ID3: variants seen among roughly 807,000 people sequenced by gnomAD.
The protein encoded by ID3 is inhibitor of DNA binding 3, also known as DNA-binding protein inhibitor ID-3.
In ID3, 4 loss-of-function variants were observed where a neutral mutation model predicts 9.6. That is an observed-to-expected ratio of 0.42 (90% CI 0.21 to 0.96). The LOEUF is 0.96. Among genes scored for constraint, ID3 ranks in the 40% least tolerant of loss-of-function variants. The probability of loss-of-function intolerance (pLI) is 0.30; values close to 1 mark genes in which losing one functional copy is unlikely to be tolerated. For synonymous variants in ID3, 108 were observed against 75.2 expected (o/e 1.44, Z -2.26); for missense variants, 191 against 164.5 (o/e 1.16, Z -0.88).
At chr1:23,558,796 T>C in intron 2 of ID3, 139 bp downstream of exon 2, 1 of 624,642 alleles carries the variant, frequency 1.6e-6, no homozygotes, top group Non-Finnish European at 2.9e-6. Context: ...TGCCATTCAT[T>C]TGATGCAACC....
intron 2 of ID3, chr1:23,558,694 C>G (rs1029189383): frequency 3.1e-5 from 16 of 522,630 alleles, no homozygotes; most frequent in Non-Finnish European, 5.2e-5. Flanking sequence ...TTAGTCGGAC[C>G]CATGTCTACT....
intron 2 of ID3, chr1:23,558,675 G>A (rs376271188): frequency 6.1e-5 from 29 of 473,302 alleles, no homozygotes; most frequent in East Asian, 3.8e-4. Context: ...GGAACAGAAA[G>A]ACTTGTATTT....
At position 23,559,019 on chromosome 1, in the gene ID3, T is replaced by C. The variant is rs1426160296; in HGVS notation, c.301A>G (p.Thr101Ala). 13 of 1,614,118 alleles carry C rather than the reference T, an allele frequency of 8.1e-6. No individual in the cohort carries two copies. The highest frequency in any genetic ancestry group is 1.1e-5 in the Non-Finnish European group (13 of 1,179,978). The part of the protein sequence containing the change: ...PPDGPHLPIQ[T>A]AELTPELVIS... ...ACAAGTTCCGGAGTGAGCTCGGCTG[T>C]CTGATTAGAGGAAAAGAGGGAAGAG... is the stretch of plus-strand genomic sequence containing the variant. Residue 101 changes from threonine (T) to alanine (A), a missense_variant and splice_region_variant, in exon 2 of 3, where the codon ACA becomes GCA. Thr to Ala is a moderately conservative substitution (Grantham distance 58). Coordinates refer to ENST00000374561, the MANE Select transcript of ID3 (RefSeq NM_002167.5).
At chr1:23,558,807 A>G (rs772587220) in intron 2 of ID3, 128 bp downstream of exon 2, 1 of 645,348 alleles carries the variant, frequency 1.5e-6, no homozygotes, top group Non-Finnish European at 2.8e-6. Context: ...TGATGCAACC[A>G]TGGGCAAGTC....
In ID3 at chr1:23,559,418, C is replaced by T. The variant is rs375749860; in HGVS notation, c.9G>A (p.Ala3=). 5.4e-5 allele frequency: 87 copies of T among 1,611,828 alleles called. No individual in the cohort carries two copies. The highest frequency in any genetic ancestry group is 1.6e-4 in the Middle Eastern group (1 of 6,072). Reference sequence around the variant, plus strand: ...CGTAGCAGCCGCGCACCGGGCTCAGCGCCTTCATGCTGGGGAGTGAGTCCA... The same window carrying T: ...CGTAGCAGCCGCGCACCGGGCTCAGTGCCTTCATGCTGGGGAGTGAGTCCA... MK[A]LSPVRGCYEA... Residue 3 remains alanine (A), a synonymous_variant, in exon 1 of 3, where the codon GCG becomes GCA. Transcript: ENST00000374561.
In ID3 at chr1:23,559,457, G is replaced by C; in HGVS notation, c.-31C>G. On this transcript the variant is annotated 5_prime_UTR_variant, in exon 1 of 3. Coordinates refer to ENST00000374561, the MANE Select transcript of ID3 (RefSeq NM_002167.5). ...GGAGTGAGTCCAGAGGTGCCCCAAA[G>C]AGAAAGAAAACCAAAAGAAGTCCCG... The C allele has an allele frequency of 6.3e-7, 1 of 1,592,228 alleles. No individual in the cohort carries two copies. The highest frequency in any genetic ancestry group is 2.2e-5 in the East Asian group (1 of 44,504).
Position 23,559,120 on chromosome 1 carries a change from G to C in ID3, c.300+7C>G, listed in dbSNP as rs1308824984. On this transcript the variant is annotated splice_region_variant and intron_variant, in intron 1 of 2. Coordinates refer to ENST00000374561, the MANE Select transcript of ID3 (RefSeq NM_002167.5). ...GTGTTCAGCCCTGTCCCGACTTCGA[G>C]GCTTACCTGGATGGGAAGGTGGGGG... 5 of 1,613,582 alleles carry C rather than the reference G, an allele frequency of 3.1e-6. No individual in the cohort carries two copies. Among genetic ancestry groups the C allele is most frequent in the Non-Finnish European group, 4.2e-6 (5 of 1,179,630 alleles).
chr1:23,559,045 T>C, intron 1 of ID3, 26 bp from the exon 2 acceptor site: 1 of 1,612,892 alleles, frequency 6.2e-7, no homozygotes, highest in Non-Finnish European at 8.5e-7. Context: ...GAGGGAAGAG[T>C]TACGCGAGGC....
Position 23,559,318 on chromosome 1 carries a change from G to A in ID3, c.109C>T (p.Pro37Ser). 2.5e-6 allele frequency: 4 copies of A among 1,613,740 alleles called. No individual in the cohort carries two copies. The highest frequency in any genetic ancestry group is 1.3e-5 in the African/African-American group (1 of 75,064). ...GRGKGPAAEE[P>S]LSLLDDMNHC... ...TTCATGTCGTCCAGCAAGCTCAGCG[G>A]CTCCTCAGCTGCCGGGCCCTTCCCT... The change falls in exon 1 of 3, where the codon CCG (proline) becomes TCG (serine). Residue 37 changes from proline to serine, a missense_variant. By Grantham distance (74) the Pro-to-Ser change is moderately conservative (BLOSUM62 -1). Coordinates refer to ENST00000374561, the MANE Select transcript of ID3 (RefSeq NM_002167.5).
rs761339096 is a variant in ID3, at chr1:23,559,193, G to A, written c.234C>T (p.Leu78=). Residue 78 remains leucine, a synonymous_variant, in exon 1 of 3, where the codon CTC becomes CTT. Transcript: ENST00000374561. ...GCTCGGCCAGGACTACCTGCAGGTC[G>A]AGAATGTAGTCGATGACGCGCTGTA... ...EILQRVIDYI[L]DLQVVLAEPA... The A allele has an allele frequency of 1.9e-5, 30 of 1,614,104 alleles. No individual in the cohort carries two copies. In the Admixed American group the frequency reaches 4.2e-4, roughly 22 times the overall value.
chr1:23,558,689 C>T (rs1291737355), intron 2 of ID3: 14 of 509,146 alleles, frequency 2.7e-5, no homozygotes, highest in South Asian at 7.0e-5. Context: ...TGTATTTAGT[C>T]GGACCCATGT....
chr1:23,558,117 G>C lies in ID3; in HGVS notation c.*324C>G, dbSNP rs938286417. On this transcript the variant is annotated 3_prime_UTR_variant, in exon 3 of 3. Coordinates refer to ENST00000374561, the MANE Select transcript of ID3 (RefSeq NM_002167.5). ...AGACCAGAAGACCAGCTCTGCCGCC[G>C]CCTTGGCATAGTTTGGAGAGCAGCC... The C allele has an allele frequency of 6.5e-6, 1 of 152,706 alleles. No individual in the cohort carries two copies. The highest frequency in any genetic ancestry group is 1.9e-4 in the East Asian group (1 of 5,202). The allele number at this position is 152,706 out of a possible 1,614,324, so 9.5% of individuals were successfully genotyped here.
intron 2 of ID3, 179 bp from the exon 3 acceptor site, chr1:23,558,594 G>C (rs936493406): frequency 3.4e-5 from 7 of 208,070 alleles, no homozygotes; most frequent in Non-Finnish European, 6.9e-5. Flanking sequence ...GGCGGAGCTT[G>C]CGCTACCCCT....
intron 2 of ID3, 85 bp downstream of exon 2, chr1:23,558,850 C>T (rs1643680901): frequency 2.3e-6 from 2 of 866,492 alleles, no homozygotes; most frequent in Admixed American, 2.1e-5. Flanking sequence ...TTTCCCTAAA[C>T]CGAGTGAGTG....
At chr1:23,558,856 G>A in intron 2 of ID3, 79 bp downstream of exon 2, 1 of 910,308 alleles carries the variant, frequency 1.1e-6, no homozygotes, top group Non-Finnish European at 1.8e-6. Context: ...TAAACCGAGT[G>A]AGTGGCAATT....
rs1643674495 is a variant in ID3, at chr1:23,558,404, A to G, written c.*37T>C. 6.5e-6 allele frequency: 1 copy of G among 153,418 alleles called. No homozygotes were observed. Among genetic ancestry groups the G allele is most frequent in the African/African-American group, 2.4e-5 (1 of 41,466 alleles). 9.5% of individuals were successfully genotyped at this position (153,418 alleles called of 1,614,324 possible). A position where few individuals can be genotyped will look rare whatever the true frequency, so the allele number is the denominator to read the frequency against. ...CGGGGTCCCAGGCAGAACGGGCGCC[A>G]GCACCTGCGTTCTGGGCGGGGGAGG... On this transcript the variant is annotated 3_prime_UTR_variant, in exon 3 of 3. Coordinates refer to ENST00000374561, the MANE Select transcript of ID3 (RefSeq NM_002167.5).
intron 2 of ID3, 102 bp from the exon 3 acceptor site, chr1:23,558,517 G>C: frequency 6.2e-6 from 1 of 161,988 alleles, no homozygotes; most frequent in South Asian, 1.6e-4. Context: ...AGGAAACTTG[G>C]TCTGTACCTC....
In ID3 at chr1:23,559,033, A is replaced by AAGAG. The variant is rs1320097093; in HGVS notation, c.301-18_301-15dup. 1.9e-6 allele frequency: 3 copies of AAGAG among 1,613,968 alleles called. No individual in the cohort carries two copies. The East Asian group carries it at 6.7e-5, about 36-fold the overall frequency. Reference sequence around the variant, plus strand: ...GAGCTCGGCTGTCTGATTAGAGGAAAAGAGGGAAGAGTTACGCGAGGCAAT... The same window carrying AAGAG: ...GAGCTCGGCTGTCTGATTAGAGGAAAAGAGAGAGGGAAGAGTTACGCGAGGCAAT... On this transcript the variant is annotated splice_polypyrimidine_tract_variant and intron_variant, in intron 1 of 2. Transcript: ENST00000374561.
In ID3 at chr1:23,557,944, T is replaced by C. The variant is rs1643666942; in HGVS notation, c.*497A>G. ...CATCATATACACAAGTGTTTAAAAA[T>C]CGTTTATTATGCAAAATGTTAACTT... On this transcript the variant is annotated 3_prime_UTR_variant, in exon 3 of 3. Transcript: ENST00000374561. 1 of 152,618 alleles carries C rather than the reference T, an allele frequency of 6.6e-6. No homozygotes were observed. Among genetic ancestry groups the C allele is most frequent in the Non-Finnish European group, 1.5e-5 (1 of 68,040 alleles). The allele number at this position is 152,618 out of a possible 1,614,324, so 9.5% of individuals were successfully genotyped here. A position where few individuals can be genotyped will look rare whatever the true frequency, so the allele number is the denominator to read the frequency against.
Sources: allele counts gnomAD v4.1 joint callset, GRCh38; gene constraint gnomAD v4.1.1; transcripts MANE v1.5; gene names NCBI Gene and HGNC (gene_info 2026-07-23, HGNC 2026-07-21).